Variants in OPLAH observed in about 807,000 individuals in gnomAD.
OPLAH encodes the protein 5-oxoprolinase.
OPLAH carries 103 observed loss-of-function variants against 122.8 expected under a neutral mutation model. The observed-to-expected ratio is 0.84, with a 90% CI of 0.71 to 0.99. The LOEUF (loss-of-function observed/expected upper bound fraction) is 0.99, where lower values mean the gene tolerates loss of function less well. Ranked by LOEUF, OPLAH falls within the 50% of genes least tolerant of loss-of-function variation. The pLI is 0.00. For synonymous variants in OPLAH, 875 were observed against 796.0 expected, an observed-to-expected ratio of 1.10 and a Z score of -1.67; for missense variants, 1,902 against 1,836.5, an observed-to-expected ratio of 1.04 and a Z score of -0.65.
In OPLAH at chr8:144,055,005, A is replaced by AG; in HGVS notation, c.2409+23dup. The AG allele has an allele frequency of 1.3e-6, 1 of 743,578 alleles. No homozygotes were observed. The highest frequency in any genetic ancestry group is 1.8e-6 in the Non-Finnish European group (1 of 565,340). The allele number at this position is 743,578 out of a possible 1,614,324, so 46.1% of individuals were successfully genotyped here. ...GTGGAGGGTGAGGGAGGGGGATGGA[A>AG]GGGTGAGGCGGGGGAAGGGCCACCT... is the stretch of plus-strand genomic sequence containing the variant. On this transcript the variant is annotated intron_variant, in intron 17 of 26. Transcript: ENST00000618853. This position sits in a 1 kb window ranked among gnomAD's most constrained non-coding sequence, Gnocchi z 6.5.
chr8:144,054,225 T>C (rs914914759), intron 19 of OPLAH, among the ~76,000 whole-genome samples: 18 of 151,906 alleles, frequency 1.2e-4, no homozygotes, highest in Admixed American at 5.2e-4. Flanking sequence ...CCCTGCTGTT[T>C]CTCTGCGGAC....
intron 19 of OPLAH, among the ~76,000 whole-genome samples, chr8:144,053,966 C>T (rs1409511510): frequency 2.1e-5 from 3 of 142,912 alleles, no homozygotes; most frequent in African/African-American, 7.8e-5. Flanking sequence ...ACCTCTAAAA[C>T]TGTCCCCCAC....
In OPLAH at chr8:144,053,108, G is replaced by A. The variant is rs373732666; in HGVS notation, c.2893C>T (p.Arg965Ter). The A allele has an allele frequency of 8.1e-6, 13 of 1,606,172 alleles. No homozygotes were observed. Among genetic ancestry groups the A allele is most frequent in the African/African-American group, 5.4e-5 (4 of 74,744 alleles). Reference sequence around the variant, plus strand: ...GTTCCAAAGGCACGCAACATGTCTCGCACGGCCAGCTCAGCGTTTGCCTGG... The same window carrying A: ...GTTCCAAAGGCACGCAACATGTCTCACACGGCCAGCTCAGCGTTTGCCTGG... ...HIQANAELAV[R>*]DMLRAFGTSR... is the part of the protein sequence containing the mutation. The change falls in exon 21 of 27, where the codon CGA (arginine) becomes TGA (stop). Residue 965 changes from arginine to a stop codon, truncating the protein, a stop_gained. Transcript: ENST00000618853. LOFTEE classifies it high-confidence loss of function.
chr8:144,050,769 A>C (rs1214839631), downstream of OPLAH: 2 of 986,520 alleles, frequency 2.0e-6, no homozygotes, highest in African/African-American at 3.5e-5. Context: ...GCTCTGGCTG[A>C]TGCCGCCCTC....
intron 2 of OPLAH, 33 bp downstream of exon 2, chr8:144,059,829 G>C: frequency 6.2e-7 from 1 of 1,611,326 alleles, no homozygotes; most frequent in South Asian, 1.1e-5. Context: ...TCTGGCCGTG[G>C]GGTCCCTGTC....
chr8:144,058,196 A>C, intron 7 of OPLAH, 43 bp downstream of exon 7: 2 of 1,605,562 alleles, frequency 1.2e-6, no homozygotes, highest in Non-Finnish European at 1.7e-6. Context: ...CCAGGGGCCC[A>C]GCAGCTGAGC....
Position 144,051,986 on chromosome 8 carries a change from C to A in OPLAH, c.3552G>T (p.Leu1184=). 1 of 1,582,638 alleles carries A rather than the reference C, an allele frequency of 6.3e-7. No individual in the cohort carries two copies. Among genetic ancestry groups the A allele is most frequent in the Non-Finnish European group, 8.5e-7 (1 of 1,172,940 alleles). ...FRGGDGVTRE[L]LFREEALLSV... is the part of the protein sequence containing the mutation. ...ACAGCAGCGCCTCCTCACGAAAGAG[C>A]AGCTCGCGGGTGACGCCGTCGCCGC... The change falls in exon 25 of 27, where the codon CTG becomes CTT. Residue 1184 remains leucine, a synonymous_variant. Coordinates refer to ENST00000618853, the MANE Select transcript of OPLAH (RefSeq NM_017570.5).
chr8:144,050,739 G>A, downstream of OPLAH: 4 of 986,160 alleles, frequency 4.1e-6, no homozygotes, highest in Non-Finnish European at 2.4e-6. Context: ...AAGTGGACCT[G>A]GGGAGCGCCG....
intron 22 of OPLAH, 27 bp downstream of exon 22, chr8:144,052,739 C>G: frequency 1.3e-6 from 2 of 1,557,996 alleles, no homozygotes; most frequent in Non-Finnish European, 8.7e-7. Context: ...GGCTGGGGCC[C>G]CCCCTCGCGC....
chr8:144,056,457 C>T lies in OPLAH; in HGVS notation c.1911G>A (p.Arg637=). 1 of 1,611,274 alleles carries T rather than the reference C, an allele frequency of 6.2e-7. No homozygotes were observed. The highest frequency in any genetic ancestry group is 2.2e-5 in the East Asian group (1 of 44,814). Residue 637 remains arginine (R), a synonymous_variant, in exon 14 of 27, where the codon CGG becomes CGA. Coordinates refer to ENST00000618853, the MANE Select transcript of OPLAH (RefSeq NM_017570.5). ...RPVVVDDVRV[R]GTGRSGLRLE... Reference sequence around the variant, plus strand: ...GGCGAAGACCACTGCGGCCGGTGCCCCGCACTCGCACATCGTCCACGACCA... The same window carrying T: ...GGCGAAGACCACTGCGGCCGGTGCCTCGCACTCGCACATCGTCCACGACCA...
chr8:144,053,176 C>T lies in OPLAH; in HGVS notation c.2871+33G>A, dbSNP rs1321256746. 4 of 1,609,248 alleles carry T rather than the reference C, an allele frequency of 2.5e-6. No individual in the cohort carries two copies. The African/African-American group carries it at 4.0e-5, about 16-fold the overall frequency. On this transcript the variant is annotated intron_variant, in intron 20 of 26. Coordinates refer to ENST00000618853, the MANE Select transcript of OPLAH (RefSeq NM_017570.5). ...GGTGGCCAGGTCACCTGCAGGATGG[C>T]CCTGCCGCCCACACTCCTGTGCCCA...
chr8:144,056,735 C>T lies in OPLAH; in HGVS notation c.1727G>A (p.Ser576Asn), dbSNP rs2129804427. 1 of 1,609,824 alleles carries T rather than the reference C, an allele frequency of 6.2e-7. No homozygotes were observed. Among genetic ancestry groups the T allele is most frequent in the East Asian group, 2.2e-5 (1 of 44,830 alleles). The change falls in exon 13 of 27, where the codon AGC becomes AAC. Residue 576 changes from serine to asparagine, a missense_variant. By Grantham distance (46) the Ser-to-Asn change is conservative. Transcript: ENST00000618853. ...GCCCTGGTAGCGCAGGTGCAGGAAGCTCTCAGTGCTGATCTGGGACCTGCA... is the reference window on the plus strand; with the variant it reads ...GCCCTGGTAGCGCAGGTGCAGGAAGTTCTCAGTGCTGATCTGGGACCTGCA... The part of the protein sequence containing the change: ...GFPRSQISTE[S>N]FLHLRYQGTD...
Position 144,055,914 on chromosome 8 carries a change from G to A in OPLAH, c.2122C>T (p.Gln708Ter). Residue 708 changes from glutamine (Q) to a stop codon, truncating the protein, a stop_gained, in exon 16 of 27, where the codon CAG becomes TAG. Transcript: ENST00000618853. LOFTEE classifies it high-confidence loss of function. This position sits in a 1 kb window ranked among gnomAD's most constrained non-coding sequence, Gnocchi z 6.5. ...NSTILVEPGCQAEVTKTGDIC... is the reference protein window; with the variant it reads ...NSTILVEPGC ...TCCCCTGTCTTGGTCACCTCTGCCT[G>A]GCAACCTGGCTCCACCAGGATGGTG... 3 of 1,587,204 alleles carry A rather than the reference G, an allele frequency of 1.9e-6. No homozygotes were observed. Among genetic ancestry groups the A allele is most frequent in the Non-Finnish European group, 2.6e-6 (3 of 1,166,802 alleles).
At chr8:144,053,560 C>A (rs1009334781) in intron 19 of OPLAH, among the ~76,000 whole-genome samples, 167 bp from the exon 20 acceptor site, 6 of 152,100 alleles carry the variant, frequency 3.9e-5, no homozygotes, top group Admixed American at 6.6e-5. Flanking sequence ...GGCTCAGGGT[C>A]CCCTCTGAGG....
At position 144,052,252 on chromosome 8, in the gene OPLAH, C is replaced by A; in HGVS notation, c.3378G>T (p.Ala1126=). The stretch of plus-strand genomic sequence containing the variant: ...CGCTGCGCCCGTGCCAGCTGGGACC[C>A]GCGCCCGCGCCGCCCGCCACCGTCT... The part of the protein sequence containing the change: ...YYETVAGGAG[A]GPSWHGRSGV... The change falls in exon 24 of 27, where the codon GCG becomes GCT. Residue 1126 remains alanine (A), a synonymous_variant. Transcript: ENST00000618853. The A allele has an allele frequency of 6.5e-7, 1 of 1,542,938 alleles. No homozygotes were observed. Among genetic ancestry groups the A allele is most frequent in the East Asian group, 2.4e-5 (1 of 41,264 alleles).
downstream of OPLAH, chr8:144,050,382 C>T: frequency 1.0e-6 from 1 of 983,074 alleles, no homozygotes; most frequent in Non-Finnish European, 1.2e-6. Context: ...AGTTTGAGGC[C>T]GACAGAGAAC....
At position 144,052,237 on chromosome 8, in the gene OPLAH, G is replaced by T; in HGVS notation, c.3393C>A (p.His1131Gln). ...TGTGGCTGTGCACACCGCTGCGCCC[G>T]TGCCAGCTGGGACCCGCGCCCGCGC... ...AGGAGAGPSWHGRSGVHSHMT... is the reference protein window; with the variant it reads ...AGGAGAGPSWQGRSGVHSHMT... The change falls in exon 24 of 27, where the codon CAC becomes CAA. Residue 1131 changes from histidine to glutamine, a missense_variant. His to Gln is a conservative substitution (Grantham distance 24). This residue lies in a region of OPLAH where 1,726 missense variants were observed against 1,642.1 expected (regional missense o/e 1.05). Transcript: ENST00000618853. 1 of 1,559,516 alleles carries T rather than the reference G, an allele frequency of 6.4e-7. No homozygotes were observed. The highest frequency in any genetic ancestry group is 8.6e-7 in the Non-Finnish European group (1 of 1,158,242).
In OPLAH at chr8:144,058,843, G is replaced by T; in HGVS notation, c.517C>A (p.Arg173Ser). 2.5e-6 allele frequency: 4 copies of T among 1,580,134 alleles called. No homozygotes were observed. The highest frequency in any genetic ancestry group is 3.4e-6 in the Non-Finnish European group (4 of 1,164,156). ...VQQPVDLGAL[R>S]GKLEGLLSRG... ...GATAGCAGCCCCTCCAGCTTCCCACGCAGGGCCCCCAGGTCCACAGGCTGC... is the reference window on the plus strand; with the variant it reads ...GATAGCAGCCCCTCCAGCTTCCCACTCAGGGCCCCCAGGTCCACAGGCTGC... The change falls in exon 5 of 27, where the codon CGT (arginine) becomes AGT (serine). Residue 173 changes from arginine to serine, a missense_variant. Around this residue, in one of 3 missense-constraint regions of OPLAH, gnomAD observed 1,726 missense variants for 1,642.1 expected, o/e 1.05. Coordinates refer to ENST00000618853, the MANE Select transcript of OPLAH (RefSeq NM_017570.5).
In OPLAH at chr8:144,054,669, C is replaced by T. The variant is rs782652430; in HGVS notation, c.2578G>A (p.Gly860Arg). ...GGCATGGAGCCTGGTGTGATGCCCC[C>T]GATGTCTGCGTGGTGCCCTCGGCTG... Reference protein sequence around the residue: ...VASRGHHADIGGITPGSMPPH... With the variant: ...VASRGHHADIRGITPGSMPPH... The change falls in exon 19 of 27, where the codon GGG becomes AGG. Residue 860 changes from glycine to arginine, a missense_variant. Physicochemically the swap from Gly to Arg is moderately radical, Grantham distance 125. Around this residue, in one of 3 missense-constraint regions of OPLAH, gnomAD observed 1,726 missense variants for 1,642.1 expected, o/e 1.05. Transcript: ENST00000618853. 132 of 1,612,372 alleles carry T rather than the reference C, an allele frequency of 8.2e-5. No homozygotes were observed. The highest frequency in any genetic ancestry group is 1.0e-4 in the Non-Finnish European group (123 of 1,179,790).
Sources: allele counts gnomAD v4.1 joint callset (sites outside exome capture counted in the v4.1 genomes callset), GRCh38; gene constraint gnomAD v4.1.1; regional missense constraint gnomAD v4.1.1; non-coding constraint Gnocchi (gnomAD v3.1); transcripts MANE v1.5; gene names NCBI Gene and HGNC (gene_info 2026-07-23, HGNC 2026-07-21).